CDH20: variants seen among roughly 807,000 people sequenced by gnomAD.
CDH20 encodes the protein cadherin 20.
In CDH20, 29 loss-of-function variants were observed where a neutral mutation model predicts 74.2. That is an observed-to-expected ratio of 0.39 (90% CI 0.29 to 0.53). The LOEUF is 0.53. Among genes scored for constraint, CDH20 ranks in the 20% least tolerant of loss-of-function variants. The pLI is 0.69. For synonymous variants in CDH20, 469 were observed against 405.4 expected (o/e 1.16, Z -1.88); for missense variants, 988 against 1,048.3 (o/e 0.94, Z 0.79).
chr18:61,545,713 A>G (rs1369628570), intron 10 of CDH20, among the ~76,000 whole-genome samples: 1 of 152,236 alleles, frequency 6.6e-6, no homozygotes, highest in African/African-American at 2.4e-5. Context: ...GAAACAGTAA[A>G]AAGCTCTCCA....
intron 1 of CDH20, among the ~76,000 whole-genome samples, chr18:61,404,378 A>G (rs939335675): frequency 3.3e-5 from 5 of 152,196 alleles, no homozygotes; most frequent in Admixed American, 6.5e-5. Context: ...ATTTGTTTTG[A>G]GAATAAAGGC....
intron 1 of CDH20, among the ~76,000 whole-genome samples, chr18:61,454,715 A>T (rs533828295): frequency 6.6e-6 from 1 of 152,140 alleles, no homozygotes; most frequent in Admixed American, 6.5e-5. Flanking sequence ...TTTTATTATA[A>T]GCCACCTCCA....
At chr18:61,422,029 A>G (rs1306385894) in intron 1 of CDH20, among the ~76,000 whole-genome samples, 4 of 152,150 alleles carry the variant, frequency 2.6e-5, no homozygotes, top group African/African-American at 7.2e-5. Flanking sequence ...TGTACTTACT[A>G]TCTAAAATAA....
At chr18:61,392,771 T>A (rs1369235418) in intron 1 of CDH20, among the ~76,000 whole-genome samples, 1 of 145,828 alleles carries the variant, frequency 6.9e-6, no homozygotes, top group East Asian at 2.0e-4. Flanking sequence ...CTATAAGAAC[T>A]TTTTAATTAC....
At chr18:61,387,616 C>A (rs1287873401) in intron 1 of CDH20, among the ~76,000 whole-genome samples, 1 of 152,194 alleles carries the variant, frequency 6.6e-6, no homozygotes, top group East Asian at 1.9e-4. Flanking sequence ...ACTTTCCAAA[C>A]AGGCTTGTCC....
intron 6 of CDH20, among the ~76,000 whole-genome samples, chr18:61,520,152 T>C (rs879452921): frequency 1.3e-5 from 2 of 149,158 alleles, no homozygotes; most frequent in Admixed American, 6.6e-5. Flanking sequence ...CCATCTCTAC[T>C]AAAAATACAA....
At chr18:61,410,615 C>A (rs72991834) in intron 1 of CDH20, among the ~76,000 whole-genome samples, 1 of 152,122 alleles carries the variant, frequency 6.6e-6, no homozygotes, top group Non-Finnish European at 1.5e-5. Context: ...GAGATATGAC[C>A]TTTTGATATA....
At chr18:61,339,701 T>TTTTTTTTTTC (rs58434671) in intron 1 of CDH20, among the ~76,000 whole-genome samples, 5 of 122,942 alleles carry the variant, frequency 4.1e-5, no homozygotes, top group East Asian at 2.7e-4. Flanking sequence ...TTTTTTTTTT[T>TTTTTTTTTTC]TTTTGAGATG....
intron 1 of CDH20, among the ~76,000 whole-genome samples, chr18:61,381,756 G>A (rs576376507): frequency 1.3e-5 from 2 of 152,288 alleles, no homozygotes; most frequent in Admixed American, 1.3e-4. Flanking sequence ...TGCAAATATT[G>A]TCAGAAGACA....
chr18:61,404,877 T>C (rs1912278229), intron 1 of CDH20: 3 of 617,298 alleles, frequency 4.9e-6, no homozygotes. Context: ...ACCAGTCTGT[T>C]CTGGCATGCT....
intron 1 of CDH20, among the ~76,000 whole-genome samples, chr18:61,420,384 T>G (rs1912834357): frequency 6.6e-6 from 1 of 151,918 alleles, no homozygotes; most frequent in Non-Finnish European, 1.5e-5. Context: ...CAACAAATAT[T>G]TTTTGAGTGA....
chr18:61,397,738 G>A (rs762836038), intron 1 of CDH20, among the ~76,000 whole-genome samples: 16 of 152,130 alleles, frequency 1.1e-4, no homozygotes, highest in Non-Finnish European at 1.8e-4. Context: ...CTTACTAGCC[G>A]TGTAACCTTA....
intron 1 of CDH20, among the ~76,000 whole-genome samples, chr18:61,343,818 G>A (rs1270253546): frequency 1.3e-5 from 2 of 152,174 alleles, no homozygotes; most frequent in Non-Finnish European, 1.5e-5. Context: ...CTGGACCAGG[G>A]TCAATGAGTG....
intron 1 of CDH20, among the ~76,000 whole-genome samples, chr18:61,419,950 C>T (rs763216923): frequency 6.6e-6 from 1 of 151,970 alleles, no homozygotes; most frequent in East Asian, 1.9e-4. Flanking sequence ...CCCCACCCCA[C>T]CAAAATACAC....
intron 10 of CDH20, among the ~76,000 whole-genome samples, chr18:61,548,152 A>G (rs1913316787): frequency 1.3e-5 from 2 of 152,240 alleles, no homozygotes; most frequent in Admixed American, 1.3e-4. Flanking sequence ...AGGTGGAAAT[A>G]TGAATATAAT....
intron 5 of CDH20, 58 bp from the exon 6 acceptor site, chr18:61,507,315 G>A: frequency 6.7e-7 from 1 of 1,495,084 alleles, no homozygotes; most frequent in Non-Finnish European, 9.2e-7. Flanking sequence ...TGATAATGAT[G>A]AGGCATTTTT....
intron 2 of CDH20, among the ~76,000 whole-genome samples, chr18:61,491,180 T>C (rs925849753): frequency 6.6e-6 from 1 of 152,040 alleles, no homozygotes. Context: ...TTTTGTGGGG[T>C]TTTTTTCAGA....
intron 1 of CDH20, among the ~76,000 whole-genome samples, chr18:61,482,171 C>A (rs978297221): frequency 6.6e-6 from 1 of 152,124 alleles, no homozygotes; most frequent in African/African-American, 2.4e-5. Context: ...AAGCAGCTCA[C>A]ATTCGTTATG....
chr18:61,486,867 G>A (rs995546867), intron 1 of CDH20, among the ~76,000 whole-genome samples: 2 of 152,098 alleles, frequency 1.3e-5, no homozygotes, highest in Non-Finnish European at 2.9e-5. Flanking sequence ...ACCATGAAAA[G>A]CTCAGGAAAA....
Sources: allele counts gnomAD v4.1 joint callset (sites outside exome capture counted in the v4.1 genomes callset), GRCh38; gene constraint gnomAD v4.1.1; transcripts MANE v1.5; gene names NCBI Gene and HGNC (gene_info 2026-07-23, HGNC 2026-07-21).